The following NAV3 variants were observed in gnomAD, a reference collection of about 807,000 sequenced individuals.
NAV3 encodes the protein pore membrane and/or filament interacting like protein 1.
A neutral mutation model predicts 244.7 loss-of-function variants in NAV3; 87 were observed. The observed-to-expected ratio is 0.36, with a 90% confidence interval of 0.30 to 0.42. NAV3 has a LOEUF of 0.42. Among genes scored for constraint, NAV3 ranks in the 20% least tolerant of loss-of-function variants. The pLI is 1.00. For synonymous variants in NAV3, 1,126 were observed against 1,042.2 expected (o/e 1.08, Z -1.55); for missense variants, 2,663 against 2,893.3 (o/e 0.92, Z 1.83).
chr12:78,014,289 A>C (rs1593280533), intron 8 of NAV3, among the ~76,000 whole-genome samples: 1 of 152,250 alleles, frequency 6.6e-6, no homozygotes, highest in East Asian at 1.9e-4. Flanking sequence ...TGCATTGGAC[A>C]TAAAGCAAAC....
At chr12:77,754,659 C>G (rs1172923855) in intron 2 of NAV3, among the ~76,000 whole-genome samples, 2 of 152,194 alleles carry the variant, frequency 1.3e-5, no homozygotes, top group Non-Finnish European at 2.9e-5. Flanking sequence ...GAAAGAATGG[C>G]AGCCCCATTG....
intron 2 of NAV3, among the ~76,000 whole-genome samples, chr12:77,807,182 G>A (rs1294824768): frequency 1.3e-5 from 2 of 152,142 alleles, no homozygotes; most frequent in African/African-American, 2.4e-5. Context: ...TACATTTAAC[G>A]TTAATATCGA....
chr12:77,912,787 T>G (rs1044988244), intron 1 of NAV3, among the ~76,000 whole-genome samples: 4 of 150,520 alleles, frequency 2.7e-5, no homozygotes, highest in African/African-American at 9.7e-5. Context: ...TAATTTTGTA[T>G]TTTTACTAGA....
chr12:78,159,778 C>A (rs1957450003), intron 23 of NAV3, among the ~76,000 whole-genome samples: 1 of 152,080 alleles, frequency 6.6e-6, no homozygotes, highest in Admixed American at 6.6e-5. Context: ...TTGGAACACA[C>A]AAAGGCAAAC....
chr12:77,896,752 T>G (rs1884674680), intron 1 of NAV3, among the ~76,000 whole-genome samples: 1 of 152,160 alleles, frequency 6.6e-6, no homozygotes, highest in Non-Finnish European at 1.5e-5. Flanking sequence ...AGTTGATGGT[T>G]GCCAGGTAGA....
At chr12:77,986,544 G>A (rs1451338993) in intron 5 of NAV3, among the ~76,000 whole-genome samples, 1 of 152,170 alleles carries the variant, frequency 6.6e-6, no homozygotes, top group Admixed American at 6.5e-5. Flanking sequence ...GAGGTATTAG[G>A]TTTTGGTGAT....
chr12:78,086,140 T>C (rs191726665), intron 12 of NAV3, among the ~76,000 whole-genome samples: 1 of 152,206 alleles, frequency 6.6e-6, no homozygotes, highest in East Asian at 1.9e-4. Context: ...GAGGATTAAA[T>C]TAGATTATGC....
intron 7 of NAV3, among the ~76,000 whole-genome samples, chr12:78,003,920 C>T (rs893615456): frequency 6.6e-6 from 1 of 152,134 alleles, no homozygotes; most frequent in Non-Finnish European, 1.5e-5. Context: ...GATGTTCTCC[C>T]CATTTATATC....
Position 77,655,098 on chromosome 12 carries a change from A to G in NAV3, c.72+82832A>G, listed in dbSNP as rs1161778259. Among the ~76,000 whole-genome samples, 4 of 152,374 alleles carry G rather than the reference A, an allele frequency of 2.6e-5. No homozygotes were observed. The East Asian group carries it at 5.8e-4, about 22-fold the overall frequency. ...CACTTCCTCACCAGCAATGGAACAA[A>G]GCTGGACGGAGAATGACTTTGAGTT... is the stretch of plus-strand genomic sequence containing the variant. On this transcript the variant is annotated intron_variant, in intron 2 of 8. Coordinates refer to the NAV3 transcript ENST00000550042.
chr12:77,741,148 C>CAAAAAAAAAAAAAAGA (rs1868322588), intron 2 of NAV3, among the ~76,000 whole-genome samples: 1 of 68,668 alleles, frequency 1.5e-5, no homozygotes, highest in African/African-American at 5.9e-5. Context: ...AAAAAAAAGA[C>CAAAAAAAAAAAAAAGA]AAAAAAAAAA....
chr12:77,739,011 CAAAAAAA>C (rs1168641355), intron 2 of NAV3, among the ~76,000 whole-genome samples: 4 of 64,090 alleles, frequency 6.2e-5, no homozygotes, highest in Admixed American at 2.3e-4. Context: ...GACTCCGTCT[CAAAAAAA>C]AAAAAAAAAA....
chr12:77,688,446 G>A (rs1036599508), intron 2 of NAV3, among the ~76,000 whole-genome samples: 1 of 151,980 alleles, frequency 6.6e-6, no homozygotes, highest in Admixed American at 6.6e-5. Context: ...TGAGGATAAG[G>A]ATCTTGTTAT....
At chr12:77,790,823 C>T (rs763689271) in intron 2 of NAV3, among the ~76,000 whole-genome samples, 1 of 152,162 alleles carries the variant, frequency 6.6e-6, no homozygotes, top group Admixed American at 6.5e-5. Flanking sequence ...ACCAGAGCCT[C>T]TCCTCTCTCA....
At chr12:77,797,808 C>T (rs1319183844) in intron 2 of NAV3, among the ~76,000 whole-genome samples, 2 of 150,772 alleles carry the variant, frequency 1.3e-5, no homozygotes, top group Admixed American at 6.6e-5. Context: ...CACTGCACTC[C>T]AGCCTGGGTG....
chr12:78,162,965 T>C (rs1351477335), intron 23 of NAV3, among the ~76,000 whole-genome samples: 2 of 132,336 alleles, frequency 1.5e-5, no homozygotes, highest in African/African-American at 2.8e-5. Flanking sequence ...TTTATATATA[T>C]AATATATAAT....
chr12:78,118,468 T>C (rs1347056101), intron 14 of NAV3, among the ~76,000 whole-genome samples, 171 bp downstream of exon 14: 1 of 152,236 alleles, frequency 6.6e-6, no homozygotes. Context: ...AAACTCGTCA[T>C]AGAAGCCCAA....
chr12:77,839,933 C>T (rs1875335516), intron 1 of NAV3, among the ~76,000 whole-genome samples: 1 of 151,914 alleles, frequency 6.6e-6, no homozygotes, highest in Non-Finnish European at 1.5e-5. Context: ...ATTAGCCAGG[C>T]GTGGTGGCAA....
At chr12:77,847,399 G>A (rs1424916315) in intron 1 of NAV3, among the ~76,000 whole-genome samples, 1 of 152,214 alleles carries the variant, frequency 6.6e-6, no homozygotes, top group East Asian at 1.9e-4. Context: ...GTTATCCCAG[G>A]CAGAAAATGA....
At chr12:77,792,712 G>C (rs1257956668) in intron 2 of NAV3, among the ~76,000 whole-genome samples, 1 of 152,148 alleles carries the variant, frequency 6.6e-6, no homozygotes, top group African/African-American at 2.4e-5. Flanking sequence ...CTTCTTTCCT[G>C]CTCTGTTCCT....
Sources: gnomAD v4.1 joint callset for allele counts (sites outside exome capture counted in the v4.1 genomes callset) on GRCh38, gnomAD v4.1.1 for gene constraint, MANE v1.5 for transcripts, NCBI Gene and HGNC (gene_info 2026-07-23, HGNC 2026-07-21) for gene names.